PAH: variants seen among roughly 807,000 people sequenced by gnomAD.
PAH encodes the protein phenylalanine-4-hydroxylase.
A neutral mutation model predicts 62.0 loss-of-function variants in PAH; 64 were observed. The ratio of observed to expected loss-of-function variants is 1.03; its 90% CI spans 0.84 to 1.27. The LOEUF (loss-of-function observed/expected upper bound fraction) is 1.27, where lower values mean the gene tolerates loss of function less well. Among genes scored for constraint, PAH ranks in the 50% most tolerant of loss-of-function variants. The probability of loss-of-function intolerance (pLI) is 0.00; values close to 1 mark genes in which losing one functional copy is unlikely to be tolerated. For missense variants in PAH, 579 were observed against 542.8 expected (o/e 1.07, Z -0.66); for synonymous variants, 195 against 196.2 (o/e 0.99, Z 0.05).
chr12:102,890,455 A>G (rs776009101), intron 3 of PAH, among the ~76,000 whole-genome samples: 1 of 152,236 alleles, frequency 6.6e-6, no homozygotes, highest in Non-Finnish European at 1.5e-5. Flanking sequence ...AAACTACCAC[A>G]GAAACCCAAA....
intron 5 of PAH, among the ~76,000 whole-genome samples, chr12:102,865,125 G>A (rs545801215): frequency 2.8e-4 from 43 of 152,204 alleles, no homozygotes; most frequent in African/African-American, 9.9e-4. Context: ...GGATTGTGAG[G>A]TGATTCACCA....
At chr12:102,868,176 G>GTATA (rs201396594) in intron 4 of PAH, among the ~76,000 whole-genome samples, 27 of 2,376 alleles carry the variant, frequency 0.011, 1 homozygote, top group Admixed American at 0.024. Flanking sequence ...ACATATATGT[G>GTATA]TATATATATA....
At chr12:102,842,767 C>A (rs917886965) in intron 11 of PAH, among the ~76,000 whole-genome samples, 1 of 152,188 alleles carries the variant, frequency 6.6e-6, no homozygotes, top group African/African-American at 2.4e-5. Flanking sequence ...TATCACCACT[C>A]CCCTCCATTC....
intron 2 of PAH, among the ~76,000 whole-genome samples, chr12:102,895,869 A>AATATATATATATATAT (rs1555208128): frequency 3.4e-5 from 4 of 118,740 alleles, no homozygotes; most frequent in African/African-American, 1.4e-4. Flanking sequence ...AAAAAAAAAA[A>AATATATATATATATAT]ATATATATAT....
At chr12:102,933,427 A>C (rs2136752471) in intron 1 of PAH, among the ~76,000 whole-genome samples, 1 of 152,300 alleles carries the variant, frequency 6.6e-6, no homozygotes, top group East Asian at 1.9e-4. Context: ...ATAGTGCTGC[A>C]ATAAACATGG....
chr12:102,899,279 T>G (rs1239637851), intron 2 of PAH, among the ~76,000 whole-genome samples: 2 of 150,324 alleles, frequency 1.3e-5, no homozygotes, highest in Non-Finnish European at 3.0e-5. Flanking sequence ...TGTGGGAGAG[T>G]TTTGGAAGGG....
At chr12:102,938,871 G>A (rs1181205547) in intron 1 of PAH, among the ~76,000 whole-genome samples, 1 of 152,134 alleles carries the variant, frequency 6.6e-6, no homozygotes, top group Non-Finnish European at 1.5e-5. Context: ...CCCAACCTGG[G>A]CTCCCACCAC....
intron 5 of PAH, among the ~76,000 whole-genome samples, chr12:102,861,722 A>C (rs1875727732): frequency 6.6e-6 from 1 of 152,180 alleles, no homozygotes; most frequent in African/African-American, 2.4e-5. Context: ...TCAGCAAACT[A>C]TCGCAGGGAC....
At chr12:102,913,579 A>T (rs1251573588) in intron 1 of PAH, among the ~76,000 whole-genome samples, 2 of 152,216 alleles carry the variant, frequency 1.3e-5, no homozygotes, top group African/African-American at 4.8e-5. Flanking sequence ...AAGAATATTG[A>T]GAAGTATATA....
At chr12:102,866,813 A>T (rs1421034636) in intron 4 of PAH, 150 bp from the exon 5 acceptor site, 1 of 726,832 alleles carries the variant, frequency 1.4e-6, no homozygotes, top group Non-Finnish European at 2.5e-6. Flanking sequence ...GGTTAAACTT[A>T]GCTCTCCTAC....
At chr12:102,853,134 T>A in intron 6 of PAH, 184 bp from the exon 7 acceptor site, 1 of 649,640 alleles carries the variant, frequency 1.5e-6, no homozygotes, top group Admixed American at 2.4e-5. Context: ...TCAAGTAAAT[T>A]CCCATTTCTG....
chr12:102,902,905 CT>C (rs991175915), intron 2 of PAH, among the ~76,000 whole-genome samples: 3 of 152,226 alleles, frequency 2.0e-5, no homozygotes, highest in African/African-American at 7.2e-5. Flanking sequence ...CCCACCCTCC[CT>C]TCCAGGTGGC....
intron 4 of PAH, among the ~76,000 whole-genome samples, chr12:102,871,938 AAAAAAAAAAAAATATAT>A (rs1250854128): frequency 1.2e-4 from 6 of 49,866 alleles, no homozygotes; most frequent in African/African-American, 6.2e-4. Flanking sequence ...AAAAAAAAAA[AAAAAAAAAAAAATATAT>A]ATATATATAT....
Position 102,846,889 on chromosome 12 carries a change from A to T in PAH, c.969+6T>A, listed in dbSNP as rs62517196. 8.1e-6 allele frequency: 13 copies of T among 1,612,328 alleles called. No individual in the cohort carries two copies. The Admixed American group carries it at 2.2e-4, about 27-fold the overall frequency. ...CACCATCCACCCAGGGAGAGAAGGG[A>T]CTTACTGTGGCGAGCTTTTCAATGT... On this transcript the variant is annotated splice_donor_region_variant and intron_variant, in intron 9 of 12. Transcript: ENST00000553106.
intron 4 of PAH, among the ~76,000 whole-genome samples, chr12:102,871,649 G>A (rs995701829): frequency 6.6e-6 from 1 of 152,144 alleles, no homozygotes; most frequent in African/African-American, 2.4e-5. Flanking sequence ...CAGGCCAGGT[G>A]CAGTGGCTCA....
intron 1 of PAH, among the ~76,000 whole-genome samples, chr12:102,935,457 T>G (rs1041704765): frequency 1.4e-4 from 21 of 152,246 alleles, no homozygotes; most frequent in African/African-American, 5.1e-4. Context: ...CAGAATAGTT[T>G]GAGTAGTATT....
intron 1 of PAH, among the ~76,000 whole-genome samples, chr12:102,936,717 A>G (rs1239298440): frequency 6.6e-6 from 1 of 152,078 alleles, no homozygotes; most frequent in Non-Finnish European, 1.5e-5. Flanking sequence ...TTCGGTTTCC[A>G]TTGGCATGAA....
chr12:102,926,504 C>A (rs1392622755), intron 1 of PAH, among the ~76,000 whole-genome samples: 1 of 151,874 alleles, frequency 6.6e-6, no homozygotes, highest in African/African-American at 2.4e-5. Context: ...GGTTCATAGC[C>A]AGTTGTGAGC....
chr12:102,923,083 A>T (rs535769611), intron 1 of PAH, among the ~76,000 whole-genome samples: 5 of 152,340 alleles, frequency 3.3e-5, no homozygotes, highest in African/African-American at 1.2e-4. Context: ...GTCAACAAGT[A>T]AGTTCAGATT....
Sources: allele counts gnomAD v4.1 joint callset (sites outside exome capture counted in the v4.1 genomes callset), GRCh38; gene constraint gnomAD v4.1.1; transcripts MANE v1.5; gene names NCBI Gene and HGNC (gene_info 2026-07-23, HGNC 2026-07-21).